Variants in CREB5 observed in about 807,000 individuals in gnomAD.
CREB5 encodes the protein cAMP responsive element binding protein 5.
Under a neutral mutation model 57.1 loss-of-function variants are expected in CREB5, and 19 were observed. The observed-to-expected ratio is 0.33, with a 90% CI of 0.23 to 0.49. The LOEUF is 0.49. Ranked by LOEUF, CREB5 falls within the 20% of genes least tolerant of loss-of-function variation. CREB5 has a pLI of 0.99. For missense variants in CREB5, 579 were observed against 671.6 expected, an observed-to-expected ratio of 0.86 and a Z score of 1.52; for synonymous variants, 238 against 238.3, an observed-to-expected ratio of 1.00 and a Z score of 0.01.
chr7:28,363,875 C>T (rs1044483211), intron 1 of CREB5, among the ~76,000 whole-genome samples: 1 of 152,134 alleles, frequency 6.6e-6, no homozygotes, highest in African/African-American at 2.4e-5. Flanking sequence ...TCATTGGTCT[C>T]AAATATTAAT....
intron 1 of CREB5, among the ~76,000 whole-genome samples, chr7:28,314,777 C>T (rs889733712): frequency 6.6e-6 from 1 of 152,174 alleles, no homozygotes; most frequent in Non-Finnish European, 1.5e-5. Flanking sequence ...GACAGTTCTT[C>T]CCCAACTGGA....
intron 1 of CREB5, among the ~76,000 whole-genome samples, chr7:28,443,911 G>A (rs1789309353): frequency 6.6e-6 from 1 of 152,210 alleles, no homozygotes; most frequent in African/African-American, 2.4e-5. Context: ...TGTGGAAGCG[G>A]TATTGGTAGA....
At chr7:28,446,316 C>T (rs745947914) in intron 1 of CREB5, among the ~76,000 whole-genome samples, 6 of 152,102 alleles carry the variant, frequency 3.9e-5, no homozygotes, top group African/African-American at 9.7e-5. Context: ...CTTCTGGCAG[C>T]TCCCACAATA....
chr7:28,384,188 C>T (rs1036616954), intron 1 of CREB5, among the ~76,000 whole-genome samples: 1 of 152,024 alleles, frequency 6.6e-6, no homozygotes, highest in African/African-American at 2.4e-5. Flanking sequence ...AAAAAGAGGC[C>T]AAAGGACGAG....
intron 5 of CREB5, among the ~76,000 whole-genome samples, chr7:28,611,165 T>G (rs977348104): frequency 6.6e-6 from 1 of 152,090 alleles, no homozygotes; most frequent in Non-Finnish European, 1.5e-5. Flanking sequence ...AGGTCATACA[T>G]TGGGACAAAA....
chr7:28,326,932 G>A (rs1785618567), intron 1 of CREB5, among the ~76,000 whole-genome samples: 1 of 152,146 alleles, frequency 6.6e-6, no homozygotes, highest in Non-Finnish European at 1.5e-5. Context: ...GGCAGATCAC[G>A]AGGTCAGGAG....
intron 1 of CREB5, among the ~76,000 whole-genome samples, chr7:28,473,548 A>G (rs903238540): frequency 2.0e-5 from 3 of 152,176 alleles, no homozygotes; most frequent in South Asian, 2.1e-4. Flanking sequence ...TTTCTGCCCC[A>G]TATCTGACAC....
chr7:28,522,394 T>TG (rs1583573537), intron 4 of CREB5, among the ~76,000 whole-genome samples: 2 of 145,000 alleles, frequency 1.4e-5, no homozygotes, highest in Non-Finnish European at 3.0e-5. Context: ...CTCTTTGTTT[T>TG]TTTTTTTTTT....
chr7:28,453,274 C>CA (rs1371598337), intron 1 of CREB5, among the ~76,000 whole-genome samples: 2 of 151,986 alleles, frequency 1.3e-5, no homozygotes, highest in Non-Finnish European at 2.9e-5. Flanking sequence ...CCCATCTCTA[C>CA]AAAAAATCAA....
intron 5 of CREB5, among the ~76,000 whole-genome samples, chr7:28,669,281 T>C (rs1799942757): frequency 6.6e-6 from 1 of 152,262 alleles, no homozygotes; most frequent in African/African-American, 2.4e-5. Flanking sequence ...TGCTAAAATA[T>C]AGGATGTGAC....
chr7:28,617,384 G>T (rs1346490633), intron 5 of CREB5, among the ~76,000 whole-genome samples: 1 of 152,178 alleles, frequency 6.6e-6, no homozygotes, highest in Non-Finnish European at 1.5e-5. Flanking sequence ...ACAGTTTCAG[G>T]TTCCAAATAG....
At chr7:28,625,892 T>C (rs1175234962) in intron 5 of CREB5, among the ~76,000 whole-genome samples, 2 of 152,222 alleles carry the variant, frequency 1.3e-5, no homozygotes, top group African/African-American at 4.8e-5. Context: ...GAAATTATAA[T>C]AGTACATGCA....
At chr7:28,542,022 A>G (rs535716119) in intron 4 of CREB5, among the ~76,000 whole-genome samples, 1 of 152,200 alleles carries the variant, frequency 6.6e-6, no homozygotes, top group Non-Finnish European at 1.5e-5. Flanking sequence ...GTTATCAAAT[A>G]TGCTTGTTTG....
chr7:28,570,348 G>A lies in CREB5; in HGVS notation c.292-17G>A. On this transcript the variant is annotated splice_polypyrimidine_tract_variant and intron_variant, in intron 4 of 10. Transcript: ENST00000357727. ...ATTGACTCCTCCTGACCTTTCCCCT[G>A]TGTCTTCTCTGGGCAGAATATCTCG... 1 of 1,603,872 alleles carries A rather than the reference G, an allele frequency of 6.2e-7. No individual in the cohort carries two copies. The highest frequency in any genetic ancestry group is 8.5e-7 in the Non-Finnish European group (1 of 1,172,860).
chr7:28,626,762 T>C (rs1045549674), intron 5 of CREB5, among the ~76,000 whole-genome samples: 1 of 152,196 alleles, frequency 6.6e-6, no homozygotes, highest in Non-Finnish European at 1.5e-5. Flanking sequence ...TTCTTTCTCA[T>C]GCTCCATGGA....
chr7:28,317,415 C>T (rs1217523211), intron 1 of CREB5, among the ~76,000 whole-genome samples: 1 of 152,204 alleles, frequency 6.6e-6, no homozygotes. Context: ...GTTCAAAACA[C>T]ACTTTGAGTG....
intron 5 of CREB5, among the ~76,000 whole-genome samples, chr7:28,633,369 ATGTGTGTGTG>A (rs3041195): frequency 6.6e-6 from 1 of 150,874 alleles, no homozygotes; most frequent in African/African-American, 2.4e-5. Flanking sequence ...TCAATCATTC[ATGTGTGTGTG>A]TGTGTGTGTG....
intron 4 of CREB5, among the ~76,000 whole-genome samples, chr7:28,559,441 A>C (rs562456433): frequency 6.6e-5 from 10 of 152,206 alleles, no homozygotes; most frequent in Admixed American, 5.2e-4. Flanking sequence ...CAGCCTCCTG[A>C]GTAGCGGGGA....
chr7:28,779,719 C>G (rs894846567), intron 7 of CREB5, among the ~76,000 whole-genome samples: 2 of 152,174 alleles, frequency 1.3e-5, no homozygotes, highest in East Asian at 1.9e-4. Flanking sequence ...GACTAGTTCT[C>G]TAAGCCTTGT....
Sources: allele counts gnomAD v4.1 joint callset (sites outside exome capture counted in the v4.1 genomes callset), GRCh38; gene constraint gnomAD v4.1.1; transcripts MANE v1.5; gene names NCBI Gene and HGNC (gene_info 2026-07-23, HGNC 2026-07-21).